The following POU6F2 variants were observed in gnomAD, a reference collection of about 807,000 sequenced individuals.
POU6F2 encodes POU class 6 homeobox 2.
In POU6F2, 31 loss-of-function variants were observed where a neutral mutation model predicts 71.3. The observed-to-expected ratio is 0.43, with a 90% confidence interval of 0.33 to 0.59. The LOEUF (loss-of-function observed/expected upper bound fraction) is 0.59, where lower values mean the gene tolerates loss of function less well. Among genes scored for constraint, POU6F2 ranks in the 20% least tolerant of loss-of-function variants. The pLI, the probability that POU6F2 is intolerant of heterozygous loss-of-function variation, is 0.04. For synonymous variants in POU6F2, 347 were observed against 355.7 expected, an observed-to-expected ratio of 0.98 and a Z score of 0.27; for missense variants, 783 against 856.8, an observed-to-expected ratio of 0.91 and a Z score of 1.07.
At position 39,406,734 on chromosome 7, in the gene POU6F2, A is replaced by C; in HGVS notation, c.1107A>C (p.Gln369His). 1 of 1,613,516 alleles carries C rather than the reference A, an allele frequency of 6.2e-7. No individual in the cohort carries two copies. The highest frequency in any genetic ancestry group is 8.5e-7 in the Non-Finnish European group (1 of 1,179,894). ...GVTGQLVTNA[Q>H]GQIIGTIPLM... is the part of the protein sequence containing the mutation. ...CAGGTCAACTAGTTACTAATGCACA[A>C]GGACAGGTGAGTGGGAGATGGGAAC... The change falls in exon 6 of 10, where the codon CAA becomes CAC. Residue 369 changes from glutamine to histidine, a missense_variant. Gln to His is a conservative substitution (Grantham distance 24, BLOSUM62 0). Around this residue, in one of 2 missense-constraint regions of POU6F2, gnomAD observed 572 missense variants for 572.9 expected, o/e 1.00. Transcript: ENST00000518318.
At chr7:39,375,274 C>T (rs1786689588) in intron 5 of POU6F2, among the ~76,000 whole-genome samples, 1 of 152,172 alleles carries the variant, frequency 6.6e-6, no homozygotes, top group Non-Finnish European at 1.5e-5. Context: ...TGAGAAACGA[C>T]AGTAATGCAC....
chr7:39,198,832 T>C (rs1793838123), intron 2 of POU6F2, among the ~76,000 whole-genome samples: 1 of 152,218 alleles, frequency 6.6e-6, no homozygotes, highest in Non-Finnish European at 1.5e-5. Context: ...CCTTGGCATT[T>C]AGTAATCTTG....
chr7:39,393,549 T>G (rs1165069585), intron 5 of POU6F2, among the ~76,000 whole-genome samples: 1 of 152,210 alleles, frequency 6.6e-6, no homozygotes, highest in African/African-American at 2.4e-5. Flanking sequence ...TAAAATGATA[T>G]ATCTGACCCT....
intron 1 of POU6F2, among the ~76,000 whole-genome samples, chr7:39,054,196 A>G (rs956226006): frequency 2.0e-5 from 3 of 152,184 alleles, no homozygotes; most frequent in Non-Finnish European, 4.4e-5. Flanking sequence ...ACCACAAGGT[A>G]CTTTCTGTGT....
intron 4 of POU6F2, among the ~76,000 whole-genome samples, chr7:39,321,665 A>C (rs1362928192): frequency 1.3e-5 from 2 of 152,210 alleles, no homozygotes; most frequent in African/African-American, 4.8e-5. Flanking sequence ...AATGAAGTGC[A>C]GGAAGGCAGA....
At chr7:39,077,101 G>A (rs933225062) in intron 1 of POU6F2, among the ~76,000 whole-genome samples, 1 of 152,186 alleles carries the variant, frequency 6.6e-6, no homozygotes, top group East Asian at 1.9e-4. Context: ...TATGAATATA[G>A]GGTATGCGTA....
At chr7:39,367,360 A>G (rs1786521649) in intron 5 of POU6F2, among the ~76,000 whole-genome samples, 1 of 152,218 alleles carries the variant, frequency 6.6e-6, no homozygotes, top group Non-Finnish European at 1.5e-5. Context: ...GTGAATAAAC[A>G]TATTTTAAAA....
chr7:39,189,652 G>A (rs1026799008), intron 2 of POU6F2, among the ~76,000 whole-genome samples: 3 of 152,116 alleles, frequency 2.0e-5, no homozygotes, highest in Admixed American at 6.5e-5. Flanking sequence ...TGCCCTCCTC[G>A]GGCTTGCAAA....
At chr7:39,234,022 A>G (rs1338269461) in intron 4 of POU6F2, among the ~76,000 whole-genome samples, 2 of 152,046 alleles carry the variant, frequency 1.3e-5, no homozygotes, top group African/African-American at 4.8e-5. Flanking sequence ...TTTTAACATA[A>G]ATTTTATGGA....
chr7:39,453,775 C>T lies in POU6F2; in HGVS notation c.1489+2074C>T, dbSNP rs1056867054. 1.4e-4 allele frequency among the ~76,000 whole-genome samples: 21 copies of T among 152,140 alleles called. 1 individual carries two copies. The highest frequency in any genetic ancestry group is 5.1e-4 in the African/African-American group (21 of 41,406). The stretch of plus-strand genomic sequence containing the variant: ...AGTTCTAGGTTTATGATGAGTGAAC[C>T]ATATTACATATCCTCGGTATGAAAT... On this transcript the variant is annotated intron_variant, in intron 8 of 9. Coordinates refer to ENST00000518318, the MANE Select transcript of POU6F2 (RefSeq NM_001370959.1).
chr7:39,071,100 A>G (rs959631092), intron 1 of POU6F2, among the ~76,000 whole-genome samples: 10 of 152,170 alleles, frequency 6.6e-5, no homozygotes, highest in Non-Finnish European at 1.3e-4. Context: ...TGTAATATAT[A>G]ATGAAATAAT....
intron 6 of POU6F2, among the ~76,000 whole-genome samples, chr7:39,424,635 G>A (rs1787926973): frequency 6.6e-6 from 1 of 151,994 alleles, no homozygotes; most frequent in Admixed American, 6.6e-5. Context: ...ATATAATCTT[G>A]TGTAAATTTA....
At chr7:39,113,399 C>T (rs1791863061) in intron 2 of POU6F2, among the ~76,000 whole-genome samples, 1 of 152,082 alleles carries the variant, frequency 6.6e-6, no homozygotes, top group Non-Finnish European at 1.5e-5. Context: ...CTACTTGGAG[C>T]AGCTCACCAA....
intron 4 of POU6F2, among the ~76,000 whole-genome samples, chr7:39,249,252 G>A (rs1783873511): frequency 6.6e-6 from 1 of 152,150 alleles, no homozygotes; most frequent in South Asian, 2.1e-4. Context: ...TTGTTTTTCT[G>A]CTTCATCATT....
chr7:39,174,708 T>C (rs1168527704), intron 2 of POU6F2, among the ~76,000 whole-genome samples: 2 of 152,156 alleles, frequency 1.3e-5, no homozygotes, highest in Non-Finnish European at 2.9e-5. Flanking sequence ...AGTCTTCACC[T>C]GATCACTTGG....
intron 4 of POU6F2, among the ~76,000 whole-genome samples, chr7:39,229,244 C>T (rs908721822): frequency 1.3e-5 from 2 of 152,244 alleles, no homozygotes; most frequent in African/African-American, 4.8e-5. Context: ...TTTGCGCATC[C>T]TCCAGCCCCA....
intron 6 of POU6F2, among the ~76,000 whole-genome samples, chr7:39,421,989 G>A (rs912388971): frequency 6.6e-6 from 1 of 152,198 alleles, no homozygotes; most frequent in South Asian, 2.1e-4. Context: ...AAAGGCTCAC[G>A]AAGTTGGTCT....
At chr7:39,250,419 G>A (rs1783893566) in intron 4 of POU6F2, among the ~76,000 whole-genome samples, 1 of 152,170 alleles carries the variant, frequency 6.6e-6, no homozygotes, top group Non-Finnish European at 1.5e-5. Flanking sequence ...GTATCCTGAT[G>A]AGAAAGCCTT....
intron 1 of POU6F2, among the ~76,000 whole-genome samples, chr7:38,995,020 G>A (rs985961300): frequency 6.6e-6 from 1 of 152,142 alleles, no homozygotes; most frequent in African/African-American, 2.4e-5. Context: ...TCCCTGGAAA[G>A]CCATGTATTG....
Sources: allele counts gnomAD v4.1 joint callset (sites outside exome capture counted in the v4.1 genomes callset), GRCh38; gene constraint gnomAD v4.1.1; regional missense constraint gnomAD v4.1.1; transcripts MANE v1.5; gene names NCBI Gene and HGNC (gene_info 2026-07-23, HGNC 2026-07-21).